The following UGT2B7 variants were observed in gnomAD, a reference collection of about 807,000 sequenced individuals.
UGT2B7 encodes UDP-glucuronosyltransferase 2B7.
A neutral mutation model predicts 51.9 loss-of-function variants in UGT2B7; 51 were observed. That is an observed-to-expected ratio of 0.98 (90% CI 0.78 to 1.24). The LOEUF (loss-of-function observed/expected upper bound fraction) is 1.24, where lower values mean the gene tolerates loss of function less well. Ranked by LOEUF, UGT2B7 falls within the 50% of genes most tolerant of loss-of-function variation. The pLI is 0.00. For missense variants in UGT2B7, 727 were observed against 628.4 expected (o/e 1.16, Z -1.68); for synonymous variants, 225 against 211.6 (o/e 1.06, Z -0.55).
chr4:69,083,788 T>C (rs929703187), intron 1 of UGT2B7, among the ~76,000 whole-genome samples: 17 of 152,184 alleles, frequency 1.1e-4, no homozygotes, highest in Middle Eastern at 3.4e-3. Context: ...TGATGGAGTC[T>C]TTAGGATTTT....
intron 1 of UGT2B7, among the ~76,000 whole-genome samples, chr4:69,055,788 A>T (rs1010221518): frequency 7.9e-5 from 12 of 152,186 alleles, no homozygotes; most frequent in African/African-American, 2.2e-4. Flanking sequence ...CTAGGTTCTA[A>T]AAGTCTCAAT....
At chr4:69,074,837 G>C (rs903704707) in intron 1 of UGT2B7, among the ~76,000 whole-genome samples, 1 of 151,936 alleles carries the variant, frequency 6.6e-6, no homozygotes, top group Admixed American at 6.6e-5. Flanking sequence ...ACAACTGGTG[G>C]ACATTCTTCC....
At chr4:69,076,425 C>T (rs184318060) in intron 1 of UGT2B7, among the ~76,000 whole-genome samples, 251 of 152,272 alleles carry the variant, frequency 1.6e-3, no homozygotes, top group Non-Finnish European at 2.3e-3. Flanking sequence ...CCTATTTCTC[C>T]ACATCCTCTC....
chr4:69,067,807 T>C (rs1326146447), intron 1 of UGT2B7, among the ~76,000 whole-genome samples: 1 of 152,076 alleles, frequency 6.6e-6, no homozygotes, highest in Non-Finnish European at 1.5e-5. Flanking sequence ...AATGGAAACA[T>C]TTGTCAGAGG....
chr4:69,052,662 T>C (rs1219087169), intron 1 of UGT2B7, among the ~76,000 whole-genome samples: 1 of 151,880 alleles, frequency 6.6e-6, no homozygotes, highest in Non-Finnish European at 1.5e-5. Flanking sequence ...AAATTGGTTG[T>C]TTCAAGAAAA....
At chr4:69,100,791 C>T (rs578018929) in intron 2 of UGT2B7, among the ~76,000 whole-genome samples, 2 of 152,090 alleles carry the variant, frequency 1.3e-5, no homozygotes, top group South Asian at 4.1e-4. Flanking sequence ...ACCCGTTCTT[C>T]GTTTATTATG....
intron 1 of UGT2B7, among the ~76,000 whole-genome samples, chr4:69,083,683 T>C (rs1357213930): frequency 1.3e-5 from 2 of 152,248 alleles, no homozygotes; most frequent in South Asian, 2.1e-4. Context: ...TTTTTAAACA[T>C]TTAGATATTG....
Position 69,112,770 on chromosome 4 carries a change from A to T in UGT2B7, c.*34A>T, listed in dbSNP as rs1159889263. 6.2e-7 allele frequency: 1 copy of T among 1,608,924 alleles called. No homozygotes were observed. The highest frequency in any genetic ancestry group is 1.3e-5 in the African/African-American group (1 of 74,360). ...GAGATTTGAAGCTGGAAAACCTGAT[A>T]GGTGAGACTACTTCAGTTTATTCCA... On this transcript the variant is annotated 3_prime_UTR_variant, in exon 6 of 6. Coordinates refer to ENST00000305231, the MANE Select transcript of UGT2B7 (RefSeq NM_001074.4).
upstream of UGT2B7, chr4:69,096,352 T>G: frequency 9.6e-7 from 1 of 1,039,668 alleles, no homozygotes; most frequent in Non-Finnish European, 1.4e-6. Flanking sequence ...TTTACCTTCA[T>G]TTGTCTCTTT....
chr4:69,078,229 T>G (rs1414239571), intron 1 of UGT2B7, among the ~76,000 whole-genome samples: 2 of 152,210 alleles, frequency 1.3e-5, no homozygotes, highest in Non-Finnish European at 2.9e-5. Flanking sequence ...TTCAAATCCA[T>G]CTTCATCAGG....
upstream of UGT2B7, among the ~76,000 whole-genome samples, chr4:69,095,401 T>C (rs1719195889): frequency 6.6e-6 from 1 of 152,202 alleles, no homozygotes; most frequent in Non-Finnish European, 1.5e-5. Context: ...CTGGCATCAG[T>C]GAAGTCTTTC....
Position 69,112,526 on chromosome 4 carries a change from A to T in UGT2B7, c.1380A>T (p.Ala460=). The stretch of plus-strand genomic sequence containing the variant: ...AACCAGTGAAGCCCCTGGATCGAGC[A>T]GTCTTCTGGATTGAATTTGTCATGC... The part of the protein sequence containing the change: ...HDQPVKPLDR[A]VFWIEFVMRH... Residue 460 remains alanine (A), a synonymous_variant, in exon 6 of 6, where the codon GCA becomes GCT. Coordinates refer to ENST00000305231, the MANE Select transcript of UGT2B7 (RefSeq NM_001074.4). 1 of 1,613,978 alleles carries T rather than the reference A, an allele frequency of 6.2e-7. No individual in the cohort carries two copies. Among genetic ancestry groups the T allele is most frequent in the Non-Finnish European group, 8.5e-7 (1 of 1,179,876 alleles).
chr4:69,090,200 G>A (rs1412865175), intron 2 of UGT2B7, among the ~76,000 whole-genome samples: 1 of 152,032 alleles, frequency 6.6e-6, no homozygotes, highest in Non-Finnish European at 1.5e-5. Flanking sequence ...TCCACTATTT[G>A]GGTAGTACTA....
chr4:69,092,953 C>A (rs1719116101), upstream of UGT2B7, among the ~76,000 whole-genome samples: 1 of 115,964 alleles, frequency 8.6e-6, no homozygotes. Context: ...AAACAATACC[C>A]CCACCCCAGA....
At chr4:69,065,091 T>C (rs778281032) in intron 1 of UGT2B7, among the ~76,000 whole-genome samples, 2 of 151,970 alleles carry the variant, frequency 1.3e-5, no homozygotes, top group Non-Finnish European at 2.9e-5. Flanking sequence ...GCACAATAAG[T>C]AGGTATCGAA....
chr4:69,098,451 T>A (rs1333617160), intron 1 of UGT2B7, 89 bp from the exon 2 acceptor site: 1 of 1,465,446 alleles, frequency 6.8e-7, no homozygotes, highest in Non-Finnish European at 9.2e-7. Context: ...TTGCCTACAT[T>A]TTTGCCTACA....
chr4:69,101,077 A>G (rs983165467), intron 2 of UGT2B7, among the ~76,000 whole-genome samples: 1 of 152,110 alleles, frequency 6.6e-6, no homozygotes, highest in African/African-American at 2.4e-5. Flanking sequence ...TACTATGTGC[A>G]TACAATAGCA....
Position 69,097,033 on chromosome 4 carries a change from T to A in UGT2B7, c.513T>A (p.Ser171Arg), listed in dbSNP as rs1719261213. Residue 171 changes from serine to arginine, a missense_variant, in exon 1 of 6, where the codon AGT becomes AGA. By Grantham distance (110) the Ser-to-Arg change is moderately radical. Transcript: ENST00000305231. ...AELFNIPFVY[S>R]LSFSPGYTFE... ...TATTTAACATACCCTTTGTGTACAG[T>A]CTCAGCTTCTCTCCTGGCTACACTT... The A allele has an allele frequency of 6.2e-7, 1 of 1,613,848 alleles. No homozygotes were observed. The highest frequency in any genetic ancestry group is 1.3e-5 in the African/African-American group (1 of 75,030).
At chr4:69,091,696 G>C (rs1275635587), upstream of UGT2B7, among the ~76,000 whole-genome samples, 2 of 152,158 alleles carry the variant, frequency 1.3e-5, no homozygotes, top group Non-Finnish European at 2.9e-5. Context: ...CAGCTCTGCT[G>C]TGCTGGTTGT....
Sources: allele counts gnomAD v4.1 joint callset (sites outside exome capture counted in the v4.1 genomes callset), GRCh38; gene constraint gnomAD v4.1.1; transcripts MANE v1.5; gene names NCBI Gene and HGNC (gene_info 2026-07-23, HGNC 2026-07-21).